UST: variants seen among roughly 807,000 people sequenced by gnomAD.
UST encodes the protein chondroitin sulfate 2-O-sulfotransferase.
Under a neutral mutation model 45.6 loss-of-function variants are expected in UST, and 21 were observed. The observed-to-expected ratio is 0.46, with a 90% CI of 0.33 to 0.66. The LOEUF (loss-of-function observed/expected upper bound fraction) is 0.66. Ranked by LOEUF, UST falls within the 30% of genes least tolerant of loss-of-function variation. The pLI, the probability that UST is intolerant of heterozygous loss-of-function variation, is 0.02. For missense variants in UST, 463 were observed against 512.4 expected (o/e 0.90, Z 0.93); for synonymous variants, 215 against 200.6 (o/e 1.07, Z -0.61).
chr6:148,938,108 T>C (rs1222671719), intron 2 of UST, among the ~76,000 whole-genome samples: 1 of 152,232 alleles, frequency 6.6e-6, no homozygotes, highest in Admixed American at 6.5e-5. Flanking sequence ...TTATTTTCTC[T>C]GATGACTTCA....
intron 1 of UST, among the ~76,000 whole-genome samples, chr6:148,866,137 T>C (rs1055075935): frequency 9.2e-5 from 14 of 151,614 alleles, no homozygotes; most frequent in Admixed American, 8.5e-4. Flanking sequence ...TATTTTATAA[T>C]CAATATTTAG....
intron 7 of UST, among the ~76,000 whole-genome samples, chr6:149,050,157 T>A (rs1302637040): frequency 6.6e-6 from 1 of 152,180 alleles, no homozygotes; most frequent in Non-Finnish European, 1.5e-5. Flanking sequence ...TTAAAATAAT[T>A]GAATTACAAG....
At chr6:148,824,543 C>T (rs1377557698) in intron 1 of UST, among the ~76,000 whole-genome samples, 1 of 152,158 alleles carries the variant, frequency 6.6e-6, no homozygotes, top group Non-Finnish European at 1.5e-5. Flanking sequence ...CAATCACCAT[C>T]ATCAGTAGAG....
At chr6:148,872,260 T>C (rs1778572658) in intron 1 of UST, among the ~76,000 whole-genome samples, 1 of 152,224 alleles carries the variant, frequency 6.6e-6, no homozygotes. Flanking sequence ...AAAATGATAA[T>C]ATTTTGATGG....
At position 148,909,813 on chromosome 6, in the gene UST, C is replaced by CA. The variant is rs201985658; in HGVS notation, c.291+22784_291+22785insA. ...GCAATTCCTCAAGCACTGTCCCCCCCGCCACAGCAAAAATGATGGCAGATA... is the reference window on the plus strand; with the variant it reads ...GCAATTCCTCAAGCACTGTCCCCCCCAGCCACAGCAAAAATGATGGCAGATA... On this transcript the variant is annotated intron_variant, in intron 2 of 7. Coordinates refer to ENST00000367463, the MANE Select transcript of UST (RefSeq NM_005715.3). 8.9e-3 allele frequency among the ~76,000 whole-genome samples: 1,355 copies of CA among 152,242 alleles called. 18 individuals are homozygous for CA. Among genetic ancestry groups the CA allele is most frequent in the African/African-American group, 0.031 (1,277 of 41,528 alleles).
intron 4 of UST, among the ~76,000 whole-genome samples, chr6:148,963,220 G>A (rs1255161381): frequency 6.6e-6 from 1 of 152,204 alleles, no homozygotes; most frequent in Non-Finnish European, 1.5e-5. Flanking sequence ...CTGGGGAGAG[G>A]CAGGAGCGGG....
At chr6:148,861,840 T>C (rs1582859343) in intron 1 of UST, among the ~76,000 whole-genome samples, 1 of 152,234 alleles carries the variant, frequency 6.6e-6, no homozygotes, top group East Asian at 1.9e-4. Context: ...AGTTCTAGTT[T>C]GATTGCACTG....
intron 1 of UST, among the ~76,000 whole-genome samples, chr6:148,783,862 T>C (rs1017781857): frequency 6.6e-6 from 1 of 152,096 alleles, no homozygotes; most frequent in Non-Finnish European, 1.5e-5. Context: ...GACAGAAAAA[T>C]GTTGCACTAT....
intron 1 of UST, among the ~76,000 whole-genome samples, chr6:148,853,822 TA>T (rs1778151624): frequency 6.6e-6 from 1 of 152,186 alleles, no homozygotes; most frequent in African/African-American, 2.4e-5. Flanking sequence ...TTGTTTTTCT[TA>T]AAGCCATTTG....
intron 5 of UST, among the ~76,000 whole-genome samples, chr6:148,978,924 TCTA>T (rs1781076944): frequency 6.6e-6 from 1 of 152,224 alleles, no homozygotes; most frequent in Admixed American, 6.5e-5. Flanking sequence ...TTCGCTCATT[TCTA>T]CTTTTATTCT....
At chr6:148,817,415 G>C (rs1044995090) in intron 1 of UST, among the ~76,000 whole-genome samples, 2 of 152,226 alleles carry the variant, frequency 1.3e-5, no homozygotes, top group Admixed American at 1.3e-4. Flanking sequence ...CCATGACACA[G>C]CCCACAGGAT....
intron 1 of UST, among the ~76,000 whole-genome samples, chr6:148,771,505 G>A (rs571849245): frequency 6.6e-6 from 1 of 152,192 alleles, no homozygotes; most frequent in Non-Finnish European, 1.5e-5. Flanking sequence ...CCAGAAGCAA[G>A]TTTCTACATC....
chr6:149,046,739 C>T (rs947685445), intron 7 of UST, among the ~76,000 whole-genome samples: 3 of 152,174 alleles, frequency 2.0e-5, no homozygotes, highest in Non-Finnish European at 2.9e-5. Context: ...TTGATTCTTC[C>T]GTTTCCGTCT....
At chr6:148,926,695 G>A (rs1471962351) in intron 2 of UST, among the ~76,000 whole-genome samples, 5 of 152,170 alleles carry the variant, frequency 3.3e-5, no homozygotes, top group African/African-American at 1.2e-4. Flanking sequence ...TGCCCAAGAG[G>A]CCAACTCAGC....
intron 1 of UST, among the ~76,000 whole-genome samples, chr6:148,843,804 C>A (rs905778723): frequency 6.6e-6 from 1 of 152,158 alleles, no homozygotes; most frequent in African/African-American, 2.4e-5. Flanking sequence ...ACCACACTTC[C>A]AGTATAATCC....
intron 1 of UST, among the ~76,000 whole-genome samples, chr6:148,828,126 A>C (rs1160483491): frequency 6.6e-6 from 1 of 152,100 alleles, no homozygotes; most frequent in Admixed American, 6.6e-5. Context: ...TCAAATATAT[A>C]TATTTGTCAA....
chr6:148,930,306 T>C (rs990477345), intron 2 of UST, among the ~76,000 whole-genome samples: 1 of 152,230 alleles, frequency 6.6e-6, no homozygotes, highest in Non-Finnish European at 1.5e-5. Context: ...TCAACAATTA[T>C]TTATTGAGTG....
intron 3 of UST, among the ~76,000 whole-genome samples, chr6:148,948,738 A>G (rs78603586): frequency 0.066 from 10,045 of 152,212 alleles, 396 homozygotes; most frequent in South Asian, 0.14. Context: ...AAAAGAAGAA[A>G]ATTTATATTC....
chr6:148,806,798 G>A (rs559448748), intron 1 of UST, among the ~76,000 whole-genome samples: 2 of 152,318 alleles, frequency 1.3e-5, no homozygotes, highest in South Asian at 4.1e-4. Context: ...ATCACATGGC[G>A]AGGATGCAAG....
Sources: allele counts gnomAD v4.1 joint callset (sites outside exome capture counted in the v4.1 genomes callset), GRCh38; gene constraint gnomAD v4.1.1; transcripts MANE v1.5; gene names NCBI Gene and HGNC (gene_info 2026-07-23, HGNC 2026-07-21).